SPATS2: variants seen among roughly 807,000 people sequenced by gnomAD.
SPATS2 encodes the protein spermatogenesis-associated serine-rich protein 2.
SPATS2 carries 38 observed loss-of-function variants against 63.7 expected under a neutral mutation model. The observed-to-expected ratio is 0.60, with a 90% CI of 0.46 to 0.78. The LOEUF (loss-of-function observed/expected upper bound fraction) is 0.78, where lower values mean the gene tolerates loss of function less well. SPATS2 is among the 30% of genes least tolerant of loss of function. The probability of loss-of-function intolerance (pLI) is 0.00; values close to 1 mark genes in which losing one functional copy is unlikely to be tolerated. For synonymous variants in SPATS2, 207 were observed against 232.9 expected, an observed-to-expected ratio of 0.89 and a Z score of 1.01; for missense variants, 588 against 666.2, an observed-to-expected ratio of 0.88 and a Z score of 1.29.
chr12:49,436,491 T>C (rs527934806), intron 2 of SPATS2, among the ~76,000 whole-genome samples: 649 of 85,668 alleles, frequency 7.6e-3, no homozygotes, highest in Middle Eastern at 0.038. Context: ...AGGCGCCCCT[T>C]ACCTCCCGGA....
intron 9 of SPATS2, among the ~76,000 whole-genome samples, chr12:49,504,857 G>A (rs1946631025): frequency 6.8e-6 from 1 of 147,588 alleles, no homozygotes; most frequent in Non-Finnish European, 1.5e-5. Flanking sequence ...CAGCCTCCCA[G>A]GCTCAAGGGA....
At chr12:49,434,666 C>G (rs1945242594) in intron 2 of SPATS2, among the ~76,000 whole-genome samples, 1 of 152,144 alleles carries the variant, frequency 6.6e-6, no homozygotes, top group African/African-American at 2.4e-5. Context: ...GCTGTACCCT[C>G]TGGTTCAGGA....
chr12:49,516,416 A>G (rs1395624543), intron 10 of SPATS2, among the ~76,000 whole-genome samples: 2 of 151,000 alleles, frequency 1.3e-5, no homozygotes, highest in Non-Finnish European at 3.0e-5. Flanking sequence ...TTATATTAAT[A>G]GAAAATTTTG....
intron 11 of SPATS2, among the ~76,000 whole-genome samples, chr12:49,519,684 C>G (rs1177070267): frequency 1.3e-5 from 2 of 152,032 alleles, no homozygotes; most frequent in African/African-American, 2.4e-5. Context: ...CTGCCATTAC[C>G]CTCAGTTCAT....
At chr12:49,409,792 G>A (rs1944765245) in intron 2 of SPATS2, among the ~76,000 whole-genome samples, 1 of 151,614 alleles carries the variant, frequency 6.6e-6, no homozygotes, top group African/African-American at 2.4e-5. Context: ...TAGTAGACAT[G>A]GGGTTTCACC....
chr12:49,468,242 C>G lies in SPATS2; in HGVS notation c.25+7205C>G, dbSNP rs1013726537. ...TGGCACGATCTTGGCTCACTGCAAC[C>G]TCCACCTCCCAGGTTCAAGCAGTTC... On this transcript the variant is annotated intron_variant, in intron 3 of 13. Coordinates refer to ENST00000552918, the MANE Select transcript of SPATS2 (RefSeq NM_023071.4). 3.3e-5 allele frequency among the ~76,000 whole-genome samples: 5 copies of G among 151,130 alleles called. No individual in the cohort carries two copies. The East Asian group carries it at 9.8e-4, about 30-fold the overall frequency.
intron 2 of SPATS2, among the ~76,000 whole-genome samples, chr12:49,374,981 A>G: frequency 6.6e-6 from 1 of 151,324 alleles, no homozygotes; most frequent in African/African-American, 2.4e-5. Context: ...AAAAAAAAAA[A>G]AAAAGGCATA....
At chr12:49,480,916 C>G (rs865904103) in intron 3 of SPATS2, among the ~76,000 whole-genome samples, 7 of 151,870 alleles carry the variant, frequency 4.6e-5, no homozygotes, top group South Asian at 2.1e-4. Context: ...AAATTAACAG[C>G]AGAATGAGAC....
intron 2 of SPATS2, among the ~76,000 whole-genome samples, chr12:49,446,257 T>C (rs1249990698): frequency 1.3e-5 from 2 of 152,138 alleles, no homozygotes; most frequent in African/African-American, 2.4e-5. Flanking sequence ...CAGGGAAACA[T>C]GGATTTTTTT....
chr12:49,483,553 A>G (rs1448796167), intron 3 of SPATS2, among the ~76,000 whole-genome samples: 1 of 152,238 alleles, frequency 6.6e-6, no homozygotes, highest in African/African-American at 2.4e-5. Flanking sequence ...GGTATTAACA[A>G]AAGTTAAATC....
chr12:49,428,129 C>T (rs1045645731), intron 2 of SPATS2, among the ~76,000 whole-genome samples: 8 of 152,108 alleles, frequency 5.3e-5, no homozygotes, highest in Non-Finnish European at 1.0e-4. Context: ...ATGGCAGGCG[C>T]CTGTAGTCCC....
intron 2 of SPATS2, among the ~76,000 whole-genome samples, chr12:49,455,219 C>T (rs1945698396): frequency 6.6e-6 from 1 of 152,166 alleles, no homozygotes; most frequent in Non-Finnish European, 1.5e-5. Flanking sequence ...GTAAAGCTTG[C>T]ACCCTCTGTC....
intron 2 of SPATS2, among the ~76,000 whole-genome samples, chr12:49,422,176 A>G (rs1243674542): frequency 2.0e-5 from 3 of 152,186 alleles, no homozygotes; most frequent in Non-Finnish European, 2.9e-5. Flanking sequence ...TTGATATAGC[A>G]GAAAGAAATA....
rs760718045 is a variant in SPATS2 at position 49,460,962 on chromosome 12, A to G, written c.-51A>G. The G allele has an allele frequency of 6.2e-7, 1 of 1,610,140 alleles. No homozygotes were observed. ...AGATACCTACACTCAAAACCCAGAC[A>G]AGGCAAAAGGATACTTTTCTTGTAT... On this transcript the variant is annotated 5_prime_UTR_variant, in exon 3 of 14. Coordinates refer to ENST00000552918, the MANE Select transcript of SPATS2 (RefSeq NM_023071.4).
At position 49,519,506 on chromosome 12, in the gene SPATS2, CTG is replaced by C. The variant is rs1287173263; in HGVS notation, c.1008+326_1008+327del. Among the ~76,000 whole-genome samples, 3 of 152,342 alleles carry C rather than the reference CTG, an allele frequency of 2.0e-5. No individual in the cohort carries two copies. The East Asian group carries it at 5.8e-4, about 29-fold the overall frequency. ...TTACCACCATCTCTTGCCTGGACTT[CTG>C]TAAGAGCCTCTTAACTGGTTCTGTT... is the stretch of plus-strand genomic sequence containing the variant. On this transcript the variant is annotated intron_variant, in intron 11 of 13. Coordinates refer to ENST00000552918, the MANE Select transcript of SPATS2 (RefSeq NM_023071.4).
intron 2 of SPATS2, among the ~76,000 whole-genome samples, chr12:49,435,987 G>A (rs1945274884): frequency 6.6e-6 from 1 of 150,812 alleles, no homozygotes; most frequent in African/African-American, 2.4e-5. Context: ...AGGATCCCAA[G>A]GCAGAAGAAT....
In SPATS2 at chr12:49,485,027, T is replaced by C. The variant is rs534067866; in HGVS notation, c.105+358T>C. Among the ~76,000 whole-genome samples the C allele has an allele frequency of 3.9e-5, 6 of 152,270 alleles. No individual in the cohort carries two copies. The South Asian group carries it at 1.2e-3, about 32-fold the overall frequency. On this transcript the variant is annotated intron_variant, in intron 4 of 13. Transcript: ENST00000552918. ...CTTCCCAAGTACTTGAAGAGCATTC[T>C]TAAGTCCAGGAGCCTTCAGAGCCAA...
chr12:49,511,755 T>A (rs1946757281), intron 9 of SPATS2, among the ~76,000 whole-genome samples: 1 of 152,230 alleles, frequency 6.6e-6, no homozygotes, highest in African/African-American at 2.4e-5. Flanking sequence ...AAAAGTTGTG[T>A]TACAATAGAT....
intron 3 of SPATS2, 80 bp from the exon 4 acceptor site, chr12:49,484,510 G>A: frequency 1.5e-6 from 2 of 1,373,476 alleles, no homozygotes; most frequent in Non-Finnish European, 2.0e-6. Context: ...TGGGACGAAA[G>A]CAGCCAGTCT....
Sources: allele counts gnomAD v4.1 joint callset (sites outside exome capture counted in the v4.1 genomes callset), GRCh38; gene constraint gnomAD v4.1.1; transcripts MANE v1.5; gene names NCBI Gene and HGNC (gene_info 2026-07-23, HGNC 2026-07-21).